SSPN: variants seen among roughly 807,000 people sequenced by gnomAD.
The protein encoded by SSPN is K-ras oncogene-associated protein.
Under a neutral mutation model 19.1 loss-of-function variants are expected in SSPN, and 15 were observed. That is an observed-to-expected ratio of 0.78 (90% CI 0.52 to 1.21). The LOEUF (loss-of-function observed/expected upper bound fraction) is 1.21, where lower values mean the gene tolerates loss of function less well. Ranked by LOEUF, SSPN falls within the 50% of genes most tolerant of loss-of-function variation. The probability of loss-of-function intolerance (pLI) is 0.00; values close to 1 mark genes in which losing one functional copy is unlikely to be tolerated. For missense variants in SSPN, 291 were observed against 314.0 expected (o/e 0.93, Z 0.55); for synonymous variants, 147 against 140.3 (o/e 1.05, Z -0.34).
intron 1 of SSPN, among the ~76,000 whole-genome samples, chr12:26,219,966 A>T (rs1234641285): frequency 6.6e-6 from 1 of 152,138 alleles, no homozygotes; most frequent in Non-Finnish European, 1.5e-5. Flanking sequence ...GACTCTAGGA[A>T]TGTCATTCCA....
chr12:26,141,543 C>T (rs1178387943), intron 1 of SSPN, among the ~76,000 whole-genome samples: 1 of 152,184 alleles, frequency 6.6e-6, no homozygotes, highest in Non-Finnish European at 1.5e-5. Flanking sequence ...CAACTTTCTC[C>T]TCTAGATCCT....
chr12:26,199,246 G>A (rs1944856943), intron 1 of SSPN, among the ~76,000 whole-genome samples: 2 of 152,166 alleles, frequency 1.3e-5, no homozygotes, highest in Admixed American at 1.3e-4. Flanking sequence ...GGTGATCTAT[G>A]ATCAGAAATT....
chr12:26,126,424 C>G (rs1944365065), intron 1 of SSPN: 1 of 152,226 alleles, frequency 6.6e-6, no homozygotes, highest in East Asian at 1.9e-4. Flanking sequence ...ATCTCTGAAA[C>G]GTTGATTATT....
At chr12:26,229,321 T>G (rs1945207340) in intron 2 of SSPN, among the ~76,000 whole-genome samples, 1 of 152,210 alleles carries the variant, frequency 6.6e-6, no homozygotes, top group East Asian at 1.9e-4. Flanking sequence ...ATGGATTCCC[T>G]TACAGGCAAA....
chr12:26,185,150 A>G (rs187422988), intron 1 of SSPN, among the ~76,000 whole-genome samples: 1 of 152,140 alleles, frequency 6.6e-6, no homozygotes, highest in African/African-American at 2.4e-5. Context: ...TCCTCTCCAA[A>G]ATTTACATGA....
chr12:26,191,880 A>C (rs1944791171), upstream of SSPN, among the ~76,000 whole-genome samples: 1 of 152,332 alleles, frequency 6.6e-6, no homozygotes, highest in East Asian at 1.9e-4. Flanking sequence ...AACATTTCAG[A>C]TAGATTTAGT....
intron 1 of SSPN, among the ~76,000 whole-genome samples, chr12:26,142,185 T>C (rs868661119): frequency 3.3e-5 from 5 of 152,322 alleles, no homozygotes; most frequent in Admixed American, 6.5e-5. Context: ...AAGAAATGTT[T>C]GATTTGTCTA....
intron 1 of SSPN, among the ~76,000 whole-genome samples, chr12:26,185,987 A>G (rs1040468333): frequency 7.2e-5 from 11 of 152,168 alleles, no homozygotes; most frequent in Admixed American, 1.3e-4. Flanking sequence ...GCACTCCATA[A>G]ATGTTTCTTG....
intron 1 of SSPN, among the ~76,000 whole-genome samples, chr12:26,186,431 G>A (rs1370448815): frequency 6.6e-6 from 1 of 152,180 alleles, no homozygotes; most frequent in Non-Finnish European, 1.5e-5. Context: ...AAAGGCACCT[G>A]GCATTTCCTC....
chr12:26,210,680 G>A (rs1944975933), intron 1 of SSPN, among the ~76,000 whole-genome samples: 1 of 152,098 alleles, frequency 6.6e-6, no homozygotes. Context: ...TGCATCTGTT[G>A]AGACAGAACA....
intron 1 of SSPN, among the ~76,000 whole-genome samples, chr12:26,156,854 C>T (rs1394136487): frequency 2.6e-5 from 4 of 152,126 alleles, no homozygotes; most frequent in Non-Finnish European, 4.4e-5. Flanking sequence ...TTGTGTATCA[C>T]CCTTTTGCAT....
In SSPN at chr12:26,167,225, G is replaced by A. The variant is rs577709323; in HGVS notation, c.-31+45073G>A. Among the ~76,000 whole-genome samples, 3 of 152,204 alleles carry A rather than the reference G, an allele frequency of 2.0e-5. No homozygotes were observed. The East Asian group carries it at 5.8e-4, about 29-fold the overall frequency. ...CACATACGTGAGGTTTTTTAAAAAA[G>A]CCTAGGAAATATTTATAGTGATTGC... On this transcript the variant is annotated intron_variant, in intron 1 of 2. Transcript: ENST00000538142.
intron 1 of SSPN, chr12:26,123,903 T>G (rs935206374): frequency 2.6e-5 from 19 of 741,054 alleles, no homozygotes; most frequent in Non-Finnish European, 4.5e-5. Flanking sequence ...AATGATTTCT[T>G]GCCTTCAGCT....
chr12:26,184,600 A>G (rs1461805362), intron 1 of SSPN, among the ~76,000 whole-genome samples: 1 of 152,194 alleles, frequency 6.6e-6, no homozygotes, highest in East Asian at 1.9e-4. Flanking sequence ...GTGAAAATCA[A>G]CTGACACTTT....
chr12:26,135,448 G>A (rs1374359312), intron 1 of SSPN, among the ~76,000 whole-genome samples: 1 of 152,126 alleles, frequency 6.6e-6, no homozygotes, highest in Non-Finnish European at 1.5e-5. Flanking sequence ...GGAGCAAAGG[G>A]TCAGTACAGA....
intron 1 of SSPN, among the ~76,000 whole-genome samples, chr12:26,200,172 C>T (rs777929870): frequency 5.3e-5 from 8 of 152,228 alleles, no homozygotes; most frequent in Non-Finnish European, 1.2e-4. Context: ...TCCCATACCC[C>T]ACTCAGTGGA....
chr12:26,185,721 G>A (rs78994388), intron 1 of SSPN, among the ~76,000 whole-genome samples: 164 of 152,256 alleles, frequency 1.1e-3, no homozygotes, highest in Admixed American at 2.7e-3. Flanking sequence ...ACCACCTGCC[G>A]TGCCAAGTCT....
chr12:26,158,454 C>T (rs1944568540), intron 1 of SSPN, among the ~76,000 whole-genome samples: 1 of 152,234 alleles, frequency 6.6e-6, no homozygotes, highest in Admixed American at 6.5e-5. Context: ...CATCCATCTC[C>T]CCAGACAACA....
intron 1 of SSPN, among the ~76,000 whole-genome samples, chr12:26,210,214 A>C (rs1269347699): frequency 6.6e-6 from 1 of 152,024 alleles, no homozygotes; most frequent in African/African-American, 2.4e-5. Context: ...ACAGTGGATT[A>C]TTTTGCACTA....
Sources: allele counts gnomAD v4.1 joint callset (sites outside exome capture counted in the v4.1 genomes callset), GRCh38; gene constraint gnomAD v4.1.1; transcripts MANE v1.5; gene names NCBI Gene and HGNC (gene_info 2026-07-23, HGNC 2026-07-21).